Variants in ADGRL1 observed in about 807,000 individuals in gnomAD.
ADGRL1 encodes adhesion G protein-coupled receptor L1, also known as CIRL-1.
Under a neutral mutation model 148.9 loss-of-function variants are expected in ADGRL1, and 31 were observed. The ratio of observed to expected loss-of-function variants is 0.21; its 90% CI spans 0.16 to 0.28. The LOEUF (loss-of-function observed/expected upper bound fraction) is 0.28. Among genes scored for constraint, ADGRL1 ranks in the 10% least tolerant of loss-of-function variants. The pLI is 1.00. For synonymous variants in ADGRL1, 937 were observed against 900.3 expected (o/e 1.04, Z -0.73); for missense variants, 1,521 against 2,058.8 (o/e 0.74, Z 5.05).
rs977319621 is a variant in ADGRL1, at chr19:14,161,220, C to T, written c.1510+92G>A. 1.2e-5 allele frequency: 15 copies of T among 1,268,902 alleles called. No individual in the cohort carries two copies. In the East Asian group the frequency reaches 1.9e-4, roughly 16 times the overall value. The allele number at this position is 1,268,902 out of a possible 1,614,324, so 78.6% of individuals were successfully genotyped here. ...CCCTGCCCTCAGAAAACCTCTGCTC[C>T]GCAGTAGAGACCCCCACCCACACAT... is the stretch of plus-strand genomic sequence containing the variant. On this transcript the variant is annotated intron_variant, in intron 6 of 22. Coordinates refer to ENST00000361434, the MANE Select transcript of ADGRL1 (RefSeq NM_014921.5). The surrounding 1 kb of genome is among the most constrained non-coding windows in gnomAD (Gnocchi z 4.4).
chr19:14,193,273 A>AC (rs1384058137), intron 1 of ADGRL1, among the ~76,000 whole-genome samples: 24 of 135,844 alleles, frequency 1.8e-4, no homozygotes, highest in Middle Eastern at 4.0e-3. Context: ...CCCACCGCCA[A>AC]AAAAAAAAAA....
At chr19:14,156,377 G>T (rs528991070) in intron 16 of ADGRL1, among the ~76,000 whole-genome samples, 176 bp from the exon 17 acceptor site, 1 of 152,020 alleles carries the variant, frequency 6.6e-6, no homozygotes, top group Admixed American at 6.6e-5. Context: ...TGGCATGACC[G>T]GCAATTTAAT....
intron 3 of ADGRL1, among the ~76,000 whole-genome samples, chr19:14,174,362 A>G (rs535755059): frequency 6.6e-6 from 1 of 152,084 alleles, no homozygotes; most frequent in East Asian, 1.9e-4. Flanking sequence ...GAGAGGCAAG[A>G]TTGCTGGAGG....
Position 14,148,414 on chromosome 19 carries a change from G to C in ADGRL1, c.*2459C>G, listed in dbSNP as rs1599369391. ...GGGCAGGGAGGAAGTTGGCCTCTCTGTGTGCCTCAGCCCCCTGGAACTCTC... is the reference window on the plus strand; with the variant it reads ...GGGCAGGGAGGAAGTTGGCCTCTCTCTGTGCCTCAGCCCCCTGGAACTCTC... On this transcript the variant is annotated 3_prime_UTR_variant, in exon 23 of 23. Coordinates refer to ENST00000361434, the MANE Select transcript of ADGRL1 (RefSeq NM_014921.5). The C allele has an allele frequency of 6.6e-6, 1 of 152,328 alleles. No individual in the cohort carries two copies. Among genetic ancestry groups the C allele is most frequent in the South Asian group, 2.1e-4 (1 of 4,834 alleles). 9.4% of individuals were successfully genotyped at this position (152,328 alleles called of 1,614,324 possible).
chr19:14,191,617 C>T (rs1971944140), intron 1 of ADGRL1: 1 of 383,538 alleles, frequency 2.6e-6, no homozygotes, highest in Non-Finnish European at 5.3e-6. Context: ...TGGAAATTCT[C>T]TTCCGCCTTC....
In ADGRL1 at chr19:14,159,686, C is replaced by T. The variant is rs1000597776; in HGVS notation, c.1839+49G>A. On this transcript the variant is annotated intron_variant, in intron 9 of 22. Transcript: ENST00000361434. The surrounding 1 kb of genome is among the most constrained non-coding windows in gnomAD (Gnocchi z 6.0). The stretch of plus-strand genomic sequence containing the variant: ...TTCTCAACCTCCACCCCTAATCCCC[C>T]CATCAGCTGGAGCCCACGGTCCTTA... 2.5e-6 allele frequency: 4 copies of T among 1,605,894 alleles called. No homozygotes were observed. Among genetic ancestry groups the T allele is most frequent in the African/African-American group, 2.7e-5 (2 of 74,776 alleles).
At chr19:14,154,266 T>C (rs952771659) in intron 18 of ADGRL1, among the ~76,000 whole-genome samples, 2 of 152,118 alleles carry the variant, frequency 1.3e-5, no homozygotes, top group African/African-American at 4.8e-5. Flanking sequence ...ATTCTCATGA[T>C]CACTGCCTCT....
Position 14,175,452 on chromosome 19 carries a change from CCACACCCGCTCACACACATGCT to C in ADGRL1, c.284+2057_284+2078del, listed in dbSNP as rs1253617907. On this transcript the variant is annotated intron_variant, in intron 3 of 22. Coordinates refer to ENST00000361434, the MANE Select transcript of ADGRL1 (RefSeq NM_014921.5). ...ATATGAAAACACACACCTCAGTCAG[CCACACCCGCTCACACACATGCT>C]CACACCCACACCCGCTCACGTACAC... Among the ~76,000 whole-genome samples the C allele has an allele frequency of 3.5e-4, 53 of 151,402 alleles. 1 individual carries two copies. Among genetic ancestry groups the C allele is most frequent in the African/African-American group, 1.3e-3 (53 of 41,216 alleles).
chr19:14,181,396 GC>G (rs1971182992), intron 2 of ADGRL1, among the ~76,000 whole-genome samples: 1 of 152,200 alleles, frequency 6.6e-6, no homozygotes. Flanking sequence ...AGGGCTATGT[GC>G]CAACCAGGTG....
chr19:14,188,822 GGAGTGCAGTGGCACAATCTT>G (rs1971748077), intron 1 of ADGRL1, among the ~76,000 whole-genome samples: 1 of 152,146 alleles, frequency 6.6e-6, no homozygotes, highest in Non-Finnish European at 1.5e-5. Flanking sequence ...CACCGGGGCT[GGAGTGCAGTGGCACAATCTT>G]GGCTCACTGC....
At position 14,170,750 on chromosome 19, in the gene ADGRL1, T is replaced by C. The variant is rs755653887; in HGVS notation, c.326A>G (p.Asp109Gly). The C allele has an allele frequency of 6.2e-7, 1 of 1,610,676 alleles. No homozygotes were observed. Among genetic ancestry groups the C allele is most frequent in the Non-Finnish European group, 8.5e-7 (1 of 1,178,824 alleles). ...RTQCVVVAGS[D>G]AFPDPCPGTY... Reference sequence around the variant, plus strand: ...CCCAGGACAGGGGTCAGGAAAGGCATCCGAGCCGGCGACCACCACGCACTG... The same window carrying C: ...CCCAGGACAGGGGTCAGGAAAGGCACCCGAGCCGGCGACCACCACGCACTG... The change falls in exon 4 of 23, where the codon GAT (aspartate) becomes GGT (glycine). Residue 109 changes from aspartate to glycine, a missense_variant. Physicochemically the swap from Asp to Gly is moderately conservative, Grantham distance 94 (BLOSUM62 -1). Around this residue, in one of 8 missense-constraint regions of ADGRL1, gnomAD observed 334 missense variants for 512.5 expected, o/e 0.65. Coordinates refer to ENST00000361434, the MANE Select transcript of ADGRL1 (RefSeq NM_014921.5).
chr19:14,151,728 G>A lies in ADGRL1; in HGVS notation c.3668-113C>T, dbSNP rs1968219477. ...TGGGCTTGATTCCTGCTGGTTTTCCGTAGGCTTCCCCCTGCCCCCTGGATC... is the reference window on the plus strand; with the variant it reads ...TGGGCTTGATTCCTGCTGGTTTTCCATAGGCTTCCCCCTGCCCCCTGGATC... On this transcript the variant is annotated intron_variant, in intron 22 of 22. Transcript: ENST00000361434. The A allele has an allele frequency of 2.5e-5, 27 of 1,068,888 alleles. 1 individual carries two copies. In the South Asian group the frequency reaches 3.2e-4, roughly 13 times the overall value. The allele number at this position is 1,068,888 out of a possible 1,614,324, so 66.2% of individuals were successfully genotyped here.
intron 22 of ADGRL1, 35 bp from the exon 23 acceptor site, chr19:14,151,650 G>C: frequency 1.3e-6 from 2 of 1,552,322 alleles, no homozygotes; most frequent in Non-Finnish European, 1.7e-6. Context: ...AGGTTGAAGA[G>C]GGGCCCTGGA....
chr19:14,204,704 C>CAGAGAGAGGGAGAGAGAG (rs1568248291), intron 1 of ADGRL1, among the ~76,000 whole-genome samples: 1 of 107,634 alleles, frequency 9.3e-6, no homozygotes, highest in African/African-American at 4.5e-5. Context: ...TAGAGAAAGA[C>CAGAGAGAGGGAGAGAGAG]AGAGAGAGTG....
Position 14,159,490 on chromosome 19 carries a change from A to G in ADGRL1, c.1934T>C (p.Met645Thr). 1.2e-6 allele frequency: 2 copies of G among 1,613,334 alleles called. No individual in the cohort carries two copies. The highest frequency in any genetic ancestry group is 1.7e-6 in the Non-Finnish European group (2 of 1,179,726). The change falls in exon 10 of 23, where the codon ATG (methionine) becomes ACG (threonine). Residue 645 changes from methionine (M) to threonine (T), a missense_variant. By Grantham distance (81) the Met-to-Thr change is moderately conservative. Around this residue, in one of 8 missense-constraint regions of ADGRL1, gnomAD observed 265 missense variants for 431.9 expected, o/e 0.61. Coordinates refer to ENST00000361434, the MANE Select transcript of ADGRL1 (RefSeq NM_014921.5). This position sits in a 1 kb window ranked among gnomAD's most constrained non-coding sequence, Gnocchi z 6.0. ...NATEQVHTAT[M>T]LLDVLEEGAF... ...GCCCTCCTCCAGGACGTCGAGGAGCATGGTGGCCGTGTGCACCTGCTCCGT... is the reference window on the plus strand; with the variant it reads ...GCCCTCCTCCAGGACGTCGAGGAGCGTGGTGGCCGTGTGCACCTGCTCCGT...
rs1969402478 is a variant in ADGRL1, at chr19:14,161,702, G to A, written c.1196-76C>T. The A allele has an allele frequency of 3.7e-6, 4 of 1,076,166 alleles. No individual in the cohort carries two copies. Among genetic ancestry groups the A allele is most frequent in the Non-Finnish European group, 4.9e-6 (4 of 819,212 alleles). 66.7% of individuals were successfully genotyped at this position (1,076,166 alleles called of 1,614,324 possible). A position where few individuals can be genotyped will look rare whatever the true frequency, so the allele number is the denominator to read the frequency against. On this transcript the variant is annotated intron_variant, in intron 5 of 22. Transcript: ENST00000361434. This position sits in a 1 kb window ranked among gnomAD's most constrained non-coding sequence, Gnocchi z 4.4. ...CAGTGTGCTTGGGCAGGGGGTCCCA[G>A]GCCATCTTAGCATCTTCCTCATCTA...
intron 3 of ADGRL1, among the ~76,000 whole-genome samples, chr19:14,174,408 G>T (rs1970678387): frequency 6.6e-6 from 1 of 152,100 alleles, no homozygotes; most frequent in East Asian, 1.9e-4. Flanking sequence ...GAGAGGAGGA[G>T]ATGATGAGGT....
chr19:14,150,967 C>A lies in ADGRL1; in HGVS notation c.4316G>T (p.Arg1439Leu), dbSNP rs568703155. ...CAGGTAGCCCTCGTGGCTAGGACGC[C>A]GCACCTGGTAGTAGCCCTGCAGGGG... The part of the protein sequence containing the change: ...RNPLQGYYQV[R>L]RPSHEGYLAA... Residue 1439 changes from arginine to leucine, a missense_variant, in exon 23 of 23, where the codon CGG becomes CTG. By Grantham distance (102) the Arg-to-Leu change is moderately radical. Around this residue, in one of 8 missense-constraint regions of ADGRL1, gnomAD observed 390 missense variants for 375.0 expected, o/e 1.04. Transcript: ENST00000361434. 1.9e-6 allele frequency: 3 copies of A among 1,603,626 alleles called. No individual in the cohort carries two copies. The highest frequency in any genetic ancestry group is 1.7e-6 in the Non-Finnish European group (2 of 1,176,082).
At chr19:14,164,532 G>C (rs1464276569) in intron 4 of ADGRL1, 1 of 152,430 alleles carries the variant, frequency 6.6e-6, no homozygotes, top group African/African-American at 2.4e-5. Context: ...CAGCTCGGAG[G>C]GGGCAGGGGA....
Sources: gnomAD v4.1 joint callset for allele counts (sites outside exome capture counted in the v4.1 genomes callset) on GRCh38, gnomAD v4.1.1 for gene constraint, gnomAD v4.1.1 regional missense constraint, Gnocchi (gnomAD v3.1) non-coding constraint, MANE v1.5 for transcripts, NCBI Gene and HGNC (gene_info 2026-07-23, HGNC 2026-07-21) for gene names.